Variants in FCRLA observed in about 807,000 individuals in gnomAD.
The protein encoded by FCRLA is Fc receptor like A.
FCRLA carries 26 observed loss-of-function variants against 28.4 expected under a neutral mutation model. The ratio of observed to expected loss-of-function variants is 0.91; its 90% CI spans 0.67 to 1.27. The LOEUF (loss-of-function observed/expected upper bound fraction) is 1.27. FCRLA is among the 50% of genes most tolerant of loss of function. The pLI is 0.00. For missense variants in FCRLA, 422 were observed against 433.1 expected (o/e 0.97, Z 0.23); for synonymous variants, 174 against 168.5 (o/e 1.03, Z -0.25).
At chr1:161,710,661 C>T in intron 1 of FCRLA, 99 bp from the exon 2 acceptor site, 1 of 1,519,156 alleles carries the variant, frequency 6.6e-7, no homozygotes, top group Non-Finnish European at 9.1e-7. Flanking sequence ...TAGTCTCATT[C>T]TAAAAAGGAT....
intron 2 of FCRLA, 117 bp from the exon 3 acceptor site, chr1:161,711,091 C>A: frequency 6.8e-7 from 1 of 1,470,908 alleles, no homozygotes; most frequent in South Asian, 1.3e-5. Context: ...CCCATACTCC[C>A]AACCAGGGGT....
chr1:161,707,379 A>T, intron 1 of FCRLA, 36 bp downstream of exon 1: 1 of 1,543,834 alleles, frequency 6.5e-7, no homozygotes, highest in Non-Finnish European at 8.7e-7. Context: ...GTGGGAATGG[A>T]GCTTTGCTTA....
Position 161,712,103 on chromosome 1 carries a change from A to G in FCRLA, c.669A>G (p.Ser223=), listed in dbSNP as rs995437389. The G allele has an allele frequency of 1.2e-6, 2 of 1,614,114 alleles. No homozygotes were observed. The highest frequency in any genetic ancestry group is 1.7e-6 in the Non-Finnish European group (2 of 1,180,056). ...GRIVQSRGLS[S]EFQIPTASED... Reference sequence around the variant, plus strand: ...TAGTGCAAAGCAGGGGGCTCTCCTCAGAATTCCAGATCCCCACAGCTTCAG... The same window carrying G: ...TAGTGCAAAGCAGGGGGCTCTCCTCGGAATTCCAGATCCCCACAGCTTCAG... Residue 223 remains serine, a synonymous_variant, in exon 4 of 5, where the codon TCA becomes TCG. Coordinates refer to ENST00000236938, the MANE Select transcript of FCRLA (RefSeq NM_032738.4).
rs1156488004 is a variant in FCRLA at position 161,714,063 on chromosome 1, A to G, written c.*683A>G. ...TTTAGTTCTAGTTTGTATCCCCTCA[A>G]AAGCCATTATGTTGAAATCCTAATC... On this transcript the variant is annotated 3_prime_UTR_variant, in exon 5 of 5. Coordinates refer to ENST00000236938, the MANE Select transcript of FCRLA (RefSeq NM_032738.4). 2.0e-5 allele frequency: 3 copies of G among 152,312 alleles called. No individual in the cohort carries two copies. Among genetic ancestry groups the G allele is most frequent in the African/African-American group, 7.2e-5 (3 of 41,440 alleles). The allele number at this position is 152,312 out of a possible 1,614,324, so 9.4% of individuals were successfully genotyped here.
Position 161,713,069 on chromosome 1 carries a change from C to T in FCRLA, c.785-16C>T. On this transcript the variant is annotated splice_polypyrimidine_tract_variant and intron_variant, in intron 4 of 4. Coordinates refer to ENST00000236938, the MANE Select transcript of FCRLA (RefSeq NM_032738.4). Reference sequence around the variant, plus strand: ...CAGACTTCACTCTTGTATGTGCCTCCTGCCCCATAATTCAGGTGCTTCCAG... The same window carrying T: ...CAGACTTCACTCTTGTATGTGCCTCTTGCCCCATAATTCAGGTGCTTCCAG... 2 of 1,604,876 alleles carry T rather than the reference C, an allele frequency of 1.2e-6. No homozygotes were observed. Among genetic ancestry groups the T allele is most frequent in the Non-Finnish European group, 1.7e-6 (2 of 1,175,724 alleles).
chr1:161,713,680 G>GC lies in FCRLA; in HGVS notation c.*301dup. 4.4e-6 allele frequency: 1 copy of GC among 229,028 alleles called. No individual in the cohort carries two copies. Among genetic ancestry groups the GC allele is most frequent in the South Asian group, 8.8e-5 (1 of 11,376 alleles). 14.2% of individuals were successfully genotyped at this position (229,028 alleles called of 1,614,324 possible). A position where few individuals can be genotyped will look rare whatever the true frequency, so the allele number is the denominator to read the frequency against. On this transcript the variant is annotated 3_prime_UTR_variant, in exon 5 of 5. Transcript: ENST00000236938. The stretch of plus-strand genomic sequence containing the variant: ...AACTAATGGAAGTGGATTGAATACA[G>GC]CAGTCTCAACTGGGGGCAATTTTGC...
At chr1:161,711,581 G>T in intron 3 of FCRLA, 107 bp downstream of exon 3, 1 of 1,407,952 alleles carries the variant, frequency 7.1e-7, no homozygotes. Context: ...AACAGACTAT[G>T]GAGCAGGTTG....
chr1:161,710,221 G>C, intron 1 of FCRLA: 2 of 538,338 alleles, frequency 3.7e-6, no homozygotes, highest in Non-Finnish European at 3.3e-6. Context: ...TGCCTTTCCC[G>C]ATCCATTGCT....
intron 1 of FCRLA, chr1:161,710,449 T>C (rs982746130): frequency 1.7e-5 from 26 of 1,549,724 alleles, no homozygotes; most frequent in Middle Eastern, 1.7e-4. Flanking sequence ...GTTACCATTG[T>C]CTTTGCTCCT....
At chr1:161,710,678 C>A (rs1290407551) in intron 1 of FCRLA, 82 bp from the exon 2 acceptor site, 1 of 1,563,634 alleles carries the variant, frequency 6.4e-7, no homozygotes, top group Non-Finnish European at 8.8e-7. Flanking sequence ...GGATGATTAT[C>A]CTGGGAGATG....
intron 1 of FCRLA, 98 bp downstream of exon 1, chr1:161,707,441 C>A: frequency 7.5e-7 from 1 of 1,342,194 alleles, no homozygotes; most frequent in East Asian, 2.4e-5. Flanking sequence ...TCTGGCCCTC[C>A]AAAGAAGCAG....
intron 4 of FCRLA, 146 bp downstream of exon 4, chr1:161,712,364 C>T: frequency 5.3e-6 from 5 of 939,846 alleles, no homozygotes; most frequent in Non-Finnish European, 6.3e-6. Context: ...GGCCAGAATC[C>T]CTGATGATGA....
In FCRLA at chr1:161,711,380, G is replaced by T; in HGVS notation, c.405G>T (p.Lys135Asn). Reference sequence around the variant, plus strand: ...AATTCTCCATCACCGTGGTACAAAAGGCAGACAGCGGGCACTACCACTGCA... The same window carrying T: ...AATTCTCCATCACCGTGGTACAAAATGCAGACAGCGGGCACTACCACTGCA... The part of the protein sequence containing the change: ...NREFSITVVQ[K>N]ADSGHYHCSG... Residue 135 changes from lysine (K) to asparagine (N), a missense_variant, in exon 3 of 5, where the codon AAG (lysine) becomes AAT (asparagine). This residue lies in a region of FCRLA where 231 missense variants were observed against 214.6 expected (regional missense o/e 1.08). Coordinates refer to ENST00000236938, the MANE Select transcript of FCRLA (RefSeq NM_032738.4). 6.2e-7 allele frequency: 1 copy of T among 1,614,216 alleles called. No individual in the cohort carries two copies. The highest frequency in any genetic ancestry group is 8.5e-7 in the Non-Finnish European group (1 of 1,180,042).
In FCRLA at chr1:161,711,310, T is replaced by C; in HGVS notation, c.335T>C (p.Phe112Ser). The C allele has an allele frequency of 1.2e-6, 2 of 1,614,174 alleles. No homozygotes were observed. The highest frequency in any genetic ancestry group is 1.7e-6 in the Non-Finnish European group (2 of 1,180,022). Residue 112 changes from phenylalanine (F) to serine (S), a missense_variant, in exon 3 of 5, where the codon TTC becomes TCC. Around this residue, in one of 3 missense-constraint regions of FCRLA, gnomAD observed 231 missense variants for 214.6 expected, o/e 1.08. Transcript: ENST00000236938. ...WQDWPLTQVT[F>S]YRDGSALGPP... The stretch of plus-strand genomic sequence containing the variant: ...GACTGGCCACTGACTCAGGTGACCT[T>C]CTACCGAGATGGCTCAGCTCTGGGT...
intron 1 of FCRLA, 70 bp downstream of exon 1, chr1:161,707,413 A>C (rs1472512790): frequency 6.7e-7 from 1 of 1,489,292 alleles, no homozygotes; most frequent in Non-Finnish European, 9.0e-7. Context: ...GACCAGAAGG[A>C]AAGAAACATG....
In FCRLA at chr1:161,711,692, C is replaced by T. The variant is rs999287985; in HGVS notation, c.499+218C>T. 3 of 729,564 alleles carry T rather than the reference C, an allele frequency of 4.1e-6. No individual in the cohort carries two copies. The African/African-American group carries it at 5.3e-5, about 13-fold the overall frequency. The allele number at this position is 729,564 out of a possible 1,614,324, so 45.2% of individuals were successfully genotyped here. On this transcript the variant is annotated intron_variant, in intron 3 of 4. Coordinates refer to ENST00000236938, the MANE Select transcript of FCRLA (RefSeq NM_032738.4). ...CCAGCATAGTTCCTACCACCCAGATCTATGCTTCCTAGTGCTCACTGATTG... is the reference window on the plus strand; with the variant it reads ...CCAGCATAGTTCCTACCACCCAGATTTATGCTTCCTAGTGCTCACTGATTG...
At position 161,714,157 on chromosome 1, in the gene FCRLA, A is replaced by G. The variant is rs1400089948; in HGVS notation, c.*777A>G. ...AGATCAGGAGTGCAGAGCCCTCATG[A>G]TTAGGATTAGTGCCCTTATTTAAAA... On this transcript the variant is annotated 3_prime_UTR_variant, in exon 5 of 5. Coordinates refer to ENST00000236938, the MANE Select transcript of FCRLA (RefSeq NM_032738.4). 1 of 152,214 alleles carries G rather than the reference A, an allele frequency of 6.6e-6. No individual in the cohort carries two copies. Among genetic ancestry groups the G allele is most frequent in the Non-Finnish European group, 1.5e-5 (1 of 68,034 alleles). The allele number at this position is 152,214 out of a possible 1,614,324, so 9.4% of individuals were successfully genotyped here.
rs983149301 is a variant in FCRLA, at chr1:161,713,471, C to T, written c.*91C>T. 8 of 1,066,038 alleles carry T rather than the reference C, an allele frequency of 7.5e-6. No individual in the cohort carries two copies. The highest frequency in any genetic ancestry group is 1.1e-5 in the Non-Finnish European group (8 of 732,772). The allele number at this position is 1,066,038 out of a possible 1,614,324, so 66.0% of individuals were successfully genotyped here. On this transcript the variant is annotated 3_prime_UTR_variant, in exon 5 of 5. Coordinates refer to ENST00000236938, the MANE Select transcript of FCRLA (RefSeq NM_032738.4). Reference sequence around the variant, plus strand: ...CCTGTCCTGCACATATGCATAAGTACTTTTACAAGTTGTCCCAGTGTTTTG... The same window carrying T: ...CCTGTCCTGCACATATGCATAAGTATTTTTACAAGTTGTCCCAGTGTTTTG...
At position 161,709,649 on chromosome 1, in the gene FCRLA, G is replaced by A. The variant is rs192566442; in HGVS notation, c.80-1111G>A. Among the ~76,000 whole-genome samples, 226 of 128,362 alleles carry A rather than the reference G, an allele frequency of 1.8e-3. 1 individual carries two copies. Among genetic ancestry groups the A allele is most frequent in the African/African-American group, 5.3e-3 (216 of 40,664 alleles). 84.2% of individuals were successfully genotyped at this position (128,362 alleles called of 152,430 possible). A position where few individuals can be genotyped will look rare whatever the true frequency, so the allele number is the denominator to read the frequency against. ...GAACGCTGGGCTATTGGGAGTGGAAGAGAATAAAGGCAAGTGGGGCACGAA... is the reference window on the plus strand; with the variant it reads ...GAACGCTGGGCTATTGGGAGTGGAAAAGAATAAAGGCAAGTGGGGCACGAA... On this transcript the variant is annotated intron_variant, in intron 1 of 4. Coordinates refer to ENST00000236938, the MANE Select transcript of FCRLA (RefSeq NM_032738.4).
Sources: gnomAD v4.1 joint callset for allele counts (sites outside exome capture counted in the v4.1 genomes callset) on GRCh38, gnomAD v4.1.1 for gene constraint, gnomAD v4.1.1 regional missense constraint, MANE v1.5 for transcripts, NCBI Gene and HGNC (gene_info 2026-07-23, HGNC 2026-07-21) for gene names.